Variants in PRRC2B observed in about 807,000 individuals in gnomAD.
PRRC2B encodes the protein protein PRRC2B.
PRRC2B carries 68 observed loss-of-function variants against 242.3 expected under a neutral mutation model. The observed-to-expected ratio is 0.28, with a 90% CI of 0.23 to 0.34. The LOEUF is 0.34. Among genes scored for constraint, PRRC2B ranks in the 10% least tolerant of loss-of-function variants. The probability of loss-of-function intolerance (pLI) is 1.00; values close to 1 mark genes in which losing one functional copy is unlikely to be tolerated. For missense variants in PRRC2B, 2,835 were observed against 2,954.8 expected, an observed-to-expected ratio of 0.96 and a Z score of 0.94; for synonymous variants, 1,228 against 1,173.6, an observed-to-expected ratio of 1.05 and a Z score of -0.95.
At position 131,476,487 on chromosome 9, in the gene PRRC2B, C is replaced by T; in HGVS notation, c.4358C>T (p.Ser1453Phe). 6.2e-7 allele frequency: 1 copy of T among 1,610,210 alleles called. No homozygotes were observed. The highest frequency in any genetic ancestry group is 8.5e-7 in the Non-Finnish European group (1 of 1,177,664). ...KPVRPGGGDT[S>F]PRYESQQNGT... Reference sequence around the variant, plus strand: ...GTTAGGCCAGGTGGTGGTGACACCTCCCCTCGCTATGAGAGCCAACAGAAT... The same window carrying T: ...GTTAGGCCAGGTGGTGGTGACACCTTCCCTCGCTATGAGAGCCAACAGAAT... Residue 1453 changes from serine to phenylalanine, a missense_variant, in exon 16 of 32, where the codon TCC becomes TTC. Ser to Phe is a radical substitution (Grantham distance 155). Coordinates refer to ENST00000683519, the MANE Select transcript of PRRC2B (RefSeq NM_013318.4).
In PRRC2B at chr9:131,494,159, C is replaced by A. The variant is rs532193052; in HGVS notation, c.6474-246C>A. Among the ~76,000 whole-genome samples, 1 of 152,126 alleles carries A rather than the reference C, an allele frequency of 6.6e-6. No homozygotes were observed. Among genetic ancestry groups the A allele is most frequent in the Non-Finnish European group, 1.5e-5 (1 of 68,030 alleles). ...GCCTCAGCCTCCCTCTCTTGCGGTG[C>A]GTCTCCTTGAGCTCTGTCCTGGAGG... On this transcript the variant is annotated intron_variant, in intron 30 of 31. Coordinates refer to ENST00000683519, the MANE Select transcript of PRRC2B (RefSeq NM_013318.4). The surrounding 1 kb of genome is among the most constrained non-coding windows in gnomAD (Gnocchi z 4.3).
At chr9:131,470,680 G>C in intron 13 of PRRC2B, 108 bp from the exon 14 acceptor site, 1 of 841,096 alleles carries the variant, frequency 1.2e-6, no homozygotes, top group Non-Finnish European at 1.9e-6. Flanking sequence ...TTCTGTTCTA[G>C]GTGGGCTTTC....
intron 12 of PRRC2B, 47 bp from the exon 13 acceptor site, chr9:131,467,516 G>C (rs1294257289): frequency 6.8e-7 from 1 of 1,477,846 alleles, no homozygotes; most frequent in Non-Finnish European, 9.1e-7. Context: ...GGTTGGCTGA[G>C]CTTCTGTGAG....
At chr9:131,490,548 A>G in intron 28 of PRRC2B, 1 of 519,058 alleles carries the variant, frequency 1.9e-6, no homozygotes, top group Non-Finnish European at 3.8e-6. Context: ...TAGCAGGGAG[A>G]TGAAGAGGAC....
upstream of PRRC2B, among the ~76,000 whole-genome samples, chr9:131,392,094 ATTTT>A (rs1281710828): frequency 1.4e-5 from 2 of 139,482 alleles, no homozygotes; most frequent in African/African-American, 5.4e-5. Flanking sequence ...TTGCTTGTTT[ATTTT>A]CTTTCTTTTT....
chr9:131,442,602 C>A (rs1838634332), intron 5 of PRRC2B, among the ~76,000 whole-genome samples: 1 of 152,180 alleles, frequency 6.6e-6, no homozygotes, highest in South Asian at 2.1e-4. Flanking sequence ...CCAGCCGCGC[C>A]TTTCCGGCAC....
At chr9:131,432,862 T>G (rs1838224426) in intron 3 of PRRC2B, 68 bp downstream of exon 3, 1 of 1,538,732 alleles carries the variant, frequency 6.5e-7, no homozygotes, top group African/African-American at 1.4e-5. Flanking sequence ...TCCTTCCCTG[T>G]GGCAAACTAA....
rs1838895956 is a variant in PRRC2B at position 131,448,552 on chromosome 9, A to AAAAAAAAAAAAC, written c.1120+759_1120+760insCAAAAAAAAAAA. On this transcript the variant is annotated intron_variant, in intron 9 of 31. Coordinates refer to ENST00000683519, the MANE Select transcript of PRRC2B (RefSeq NM_013318.4). ...GAGGGAGACACTGTCTCAAAAAAAA[A>AAAAAAAAAAAAC]AAAAAAAAAAAAAAAAAAGGAAAGA... is the stretch of plus-strand genomic sequence containing the variant. 4.9e-5 allele frequency among the ~76,000 whole-genome samples: 6 copies of AAAAAAAAAAAAC among 122,518 alleles called. No homozygotes were observed. In the Admixed American group the frequency reaches 5.9e-4, roughly 12 times the overall value. The allele number at this position is 122,518 out of a possible 152,430, so 80.4% of individuals were successfully genotyped here. A position where few individuals can be genotyped will look rare whatever the true frequency, so the allele number is the denominator to read the frequency against.
chr9:131,430,550 G>GGTGTGTGTGTGT (rs759350366), intron 2 of PRRC2B, among the ~76,000 whole-genome samples: 4 of 82,752 alleles, frequency 4.8e-5, no homozygotes, highest in South Asian at 5.0e-4. Flanking sequence ...GATATCTATA[G>GGTGTGTGTGTGT]GTGTGTGTGT....
At position 131,495,927 on chromosome 9, in the gene PRRC2B, G is replaced by T. The variant is rs980864621; in HGVS notation, c.*53G>T. 1 of 1,577,168 alleles carries T rather than the reference G, an allele frequency of 6.3e-7. No individual in the cohort carries two copies. Among genetic ancestry groups the T allele is most frequent in the South Asian group, 1.1e-5 (1 of 90,274 alleles). On this transcript the variant is annotated 3_prime_UTR_variant, in exon 32 of 32. Coordinates refer to ENST00000683519, the MANE Select transcript of PRRC2B (RefSeq NM_013318.4). ...CCTACTGAGGACGGTGCCGCCATGCGGCCTCGACACAGCCGACACTCGGGA... is the reference window on the plus strand; with the variant it reads ...CCTACTGAGGACGGTGCCGCCATGCTGCCTCGACACAGCCGACACTCGGGA...
intron 2 of PRRC2B, among the ~76,000 whole-genome samples, chr9:131,431,982 CAG>C (rs1046731367): frequency 1.5e-4 from 22 of 151,724 alleles, no homozygotes; most frequent in Non-Finnish European, 5.9e-5. Context: ...TTAGTAGAGA[CAG>C]GGTTTTGTCA....
chr9:131,398,355 C>G (rs747180145), intron 1 of PRRC2B, among the ~76,000 whole-genome samples: 1 of 152,228 alleles, frequency 6.6e-6, no homozygotes, highest in East Asian at 1.9e-4. Context: ...AAGCATCCTT[C>G]GTCCGAGCTG....
chr9:131,475,565 A>G lies in PRRC2B; in HGVS notation c.3436A>G (p.Lys1146Glu). 6.2e-7 allele frequency: 1 copy of G among 1,612,818 alleles called. No homozygotes were observed. The highest frequency in any genetic ancestry group is 8.5e-7 in the Non-Finnish European group (1 of 1,179,820). ...GGGCTCAGAGTATGAAGAACTTCCCAAGCGCCGCCGGCAGAGGGGCTCCGA... is the reference window on the plus strand; with the variant it reads ...GGGCTCAGAGTATGAAGAACTTCCCGAGCGCCGCCGGCAGAGGGGCTCCGA... ...SEGSEYEELP[K>E]RRRQRGSENG... Residue 1146 changes from lysine to glutamate, a missense_variant, in exon 16 of 32, where the codon AAG (lysine) becomes GAG (glutamate). Lys to Glu is a moderately conservative substitution (Grantham distance 56, BLOSUM62 1). This residue lies in a region of PRRC2B where 1,536 missense variants were observed against 1,483.1 expected (regional missense o/e 1.04). Coordinates refer to ENST00000683519, the MANE Select transcript of PRRC2B (RefSeq NM_013318.4).
At chr9:131,491,358 T>G in intron 28 of PRRC2B, 67 bp from the exon 29 acceptor site, 1 of 1,463,424 alleles carries the variant, frequency 6.8e-7, no homozygotes, top group Non-Finnish European at 9.2e-7. Context: ...GTGCGGTCGC[T>G]CTTTGGTGCG....
chr9:131,481,259 G>A (rs1943854179), intron 19 of PRRC2B, among the ~76,000 whole-genome samples: 1 of 140,666 alleles, frequency 7.1e-6, no homozygotes, highest in African/African-American at 2.7e-5. Flanking sequence ...GGCAGTGAGT[G>A]GAGATCGCGC....
At chr9:131,406,637 CT>C (rs767594281) in intron 1 of PRRC2B, among the ~76,000 whole-genome samples, 17 of 152,240 alleles carry the variant, frequency 1.1e-4, no homozygotes, top group Non-Finnish European at 2.1e-4. Context: ...GATACGGAAC[CT>C]GTCTCACAGC....
intron 1 of PRRC2B, among the ~76,000 whole-genome samples, chr9:131,408,410 G>A (rs1479237301): frequency 6.6e-6 from 1 of 152,114 alleles, no homozygotes; most frequent in African/African-American, 2.4e-5. Flanking sequence ...TAGGGAAATG[G>A]GTAAATAAAA....
chr9:131,475,776 G>A lies in PRRC2B; in HGVS notation c.3647G>A (p.Arg1216Gln), dbSNP rs377196163. Residue 1216 changes from arginine (R) to glutamine (Q), a missense_variant, in exon 16 of 32, where the codon CGG becomes CAG. Arg to Gln is a conservative substitution (Grantham distance 43, BLOSUM62 1). Transcript: ENST00000683519. ...CGGCTGAGCAATTGCGGGTATGGAC[G>A]GAGAACCTTCGTCTCCAAAGAGTCA... ...PPRLSNCGYGRRTFVSKESPH... is the reference protein window; with the variant it reads ...PPRLSNCGYGQRTFVSKESPH... The A allele has an allele frequency of 1.2e-5, 19 of 1,613,228 alleles. No homozygotes were observed. Among genetic ancestry groups the A allele is most frequent in the Middle Eastern group, 1.6e-4 (1 of 6,082 alleles).
chr9:131,455,206 C>A, intron 10 of PRRC2B, 40 bp downstream of exon 10: 4 of 1,381,614 alleles, frequency 2.9e-6, no homozygotes, highest in Non-Finnish European at 4.1e-6. Context: ...GAGTGCATCC[C>A]TGCTTAGTGT....
Sources: gnomAD v4.1 joint callset for allele counts (sites outside exome capture counted in the v4.1 genomes callset) on GRCh38, gnomAD v4.1.1 for gene constraint, gnomAD v4.1.1 regional missense constraint, Gnocchi (gnomAD v3.1) non-coding constraint, MANE v1.5 for transcripts, NCBI Gene and HGNC (gene_info 2026-07-23, HGNC 2026-07-21) for gene names.